Variants in ATL2 observed in about 807,000 individuals in gnomAD.
ATL2 encodes the protein atlastin GTPase 2.
Under a neutral mutation model 73.9 loss-of-function variants are expected in ATL2, and 31 were observed. That is an observed-to-expected ratio of 0.42 (90% CI 0.32 to 0.57). The LOEUF is 0.57. Ranked by LOEUF, ATL2 falls within the 20% of genes least tolerant of loss-of-function variation. ATL2 has a pLI of 0.14. For synonymous variants in ATL2, 291 were observed against 237.5 expected (o/e 1.23, Z -2.07); for missense variants, 738 against 702.6 (o/e 1.05, Z -0.57).
At chr2:38,362,042 G>A (rs1283715125) in intron 1 of ATL2, among the ~76,000 whole-genome samples, 1 of 152,116 alleles carries the variant, frequency 6.6e-6, no homozygotes, top group Non-Finnish European at 1.5e-5. Flanking sequence ...CCATAGAAAG[G>A]AGACTCAAAT....
At chr2:38,297,111 T>C (rs1010676726) in intron 12 of ATL2, among the ~76,000 whole-genome samples, 1 of 152,222 alleles carries the variant, frequency 6.6e-6, no homozygotes, top group Non-Finnish European at 1.5e-5. Context: ...CGGATCTGAA[T>C]AGAGCATTTC....
chr2:38,313,985 G>A (rs1667893069), intron 6 of ATL2, among the ~76,000 whole-genome samples: 1 of 152,122 alleles, frequency 6.6e-6, no homozygotes, highest in Non-Finnish European at 1.5e-5. Context: ...CTTAATAAAA[G>A]TGACCATACT....
intron 1 of ATL2, among the ~76,000 whole-genome samples, chr2:38,353,550 T>C (rs1670482647): frequency 6.6e-6 from 1 of 152,158 alleles, no homozygotes; most frequent in South Asian, 2.1e-4. Context: ...AGTCATAATG[T>C]TACCAAAATT....
chr2:38,311,629 C>T (rs10451644), intron 7 of ATL2, among the ~76,000 whole-genome samples: 13,078 of 152,112 alleles, frequency 0.086, 1,629 homozygotes, highest in African/African-American at 0.27. Flanking sequence ...ATTCCATCCA[C>T]ATAAAGTACA....
At chr2:38,340,770 C>G (rs1001289104) in intron 2 of ATL2, among the ~76,000 whole-genome samples, 5 of 152,240 alleles carry the variant, frequency 3.3e-5, no homozygotes, top group African/African-American at 1.2e-4. Flanking sequence ...GCACATTATC[C>G]AAAAATCAGA....
intron 1 of ATL2, among the ~76,000 whole-genome samples, chr2:38,347,275 C>G (rs1670079055): frequency 6.6e-6 from 1 of 152,192 alleles, no homozygotes; most frequent in Admixed American, 6.5e-5. Context: ...ACAACACACT[C>G]CTATTCATTC....
chr2:38,359,268 C>T (rs767501040), intron 1 of ATL2, among the ~76,000 whole-genome samples: 1 of 151,654 alleles, frequency 6.6e-6, no homozygotes. Flanking sequence ...TCAGGCGTTC[C>T]AGACCAGCCT....
In ATL2 at chr2:38,309,416, G is replaced by C. The variant is rs200636844; in HGVS notation, c.1034C>G (p.Ser345Cys). ...TACAAGATCTCTACAAGTGACTTTA[G>C]ATCCACTTATCTCTTTTTCTACCAA... The part of the protein sequence containing the change: ...ENLVEKEISG[S>C]KVTCRDLVEY... Residue 345 changes from serine (S) to cysteine (C), a missense_variant, in exon 9 of 13, where the codon TCT (serine) becomes TGT (cysteine). Ser to Cys is a moderately radical substitution (Grantham distance 112, BLOSUM62 -1). Coordinates refer to ENST00000378954, the MANE Select transcript of ATL2 (RefSeq NM_001135673.4). 1.2e-6 allele frequency: 2 copies of C among 1,611,774 alleles called. No individual in the cohort carries two copies. The highest frequency in any genetic ancestry group is 2.2e-5 in the East Asian group (1 of 44,796).
intron 1 of ATL2, among the ~76,000 whole-genome samples, chr2:38,351,021 A>G (rs922759503): frequency 1.3e-5 from 2 of 152,218 alleles, no homozygotes; most frequent in Non-Finnish European, 2.9e-5. Context: ...TAAACTTATA[A>G]AAAGAGAACA....
chr2:38,356,404 G>C (rs990085021), intron 1 of ATL2, among the ~76,000 whole-genome samples: 2 of 151,526 alleles, frequency 1.3e-5, no homozygotes, highest in African/African-American at 4.9e-5. Context: ...GCCCAGGCTG[G>C]TCTCGAACTC....
intron 2 of ATL2, among the ~76,000 whole-genome samples, chr2:38,319,368 G>C (rs1298332964): frequency 2.6e-5 from 4 of 152,190 alleles, no homozygotes; most frequent in African/African-American, 4.8e-5. Context: ...GGAGGCTGAA[G>C]TGGGCATATC....
At chr2:38,372,605 C>G (rs2124504655) in intron 1 of ATL2, among the ~76,000 whole-genome samples, 1 of 152,276 alleles carries the variant, frequency 6.6e-6, no homozygotes, top group Non-Finnish European at 1.5e-5. Flanking sequence ...AGAAGAACTA[C>G]TTTGCCACAG....
chr2:38,363,250 G>A (rs1671112352), intron 1 of ATL2, among the ~76,000 whole-genome samples: 1 of 151,776 alleles, frequency 6.6e-6, no homozygotes, highest in African/African-American at 2.4e-5. Flanking sequence ...CAAACTGTTA[G>A]CATCTTTATT....
chr2:38,355,179 T>G (rs1473326303), intron 1 of ATL2, among the ~76,000 whole-genome samples: 1 of 152,094 alleles, frequency 6.6e-6, no homozygotes, highest in Non-Finnish European at 1.5e-5. Flanking sequence ...CAGGCTGGAG[T>G]GCAATGGCAC....
chr2:38,311,125 A>AC (rs199769327), intron 7 of ATL2, among the ~76,000 whole-genome samples: 2,889 of 152,122 alleles, frequency 0.019, 90 homozygotes, highest in African/African-American at 0.067. Context: ...ACAAAACAAA[A>AC]AAAAAAGTAT....
chr2:38,320,278 T>G (rs1668248378), intron 2 of ATL2, among the ~76,000 whole-genome samples: 1 of 152,096 alleles, frequency 6.6e-6, no homozygotes, highest in Non-Finnish European at 1.5e-5. Flanking sequence ...GATTGTTTGG[T>G]GTGCTAATGA....
At chr2:38,369,607 C>A (rs1671548643) in intron 1 of ATL2, among the ~76,000 whole-genome samples, 1 of 151,036 alleles carries the variant, frequency 6.6e-6, no homozygotes, top group East Asian at 2.0e-4. Context: ...TTTAATTAGC[C>A]AGGCATGGTG....
At chr2:38,330,995 G>A (rs192234314) in intron 2 of ATL2, among the ~76,000 whole-genome samples, 26 of 152,312 alleles carry the variant, frequency 1.7e-4, no homozygotes, top group Admixed American at 3.3e-4. Flanking sequence ...TGAAGACAGC[G>A]TGATACTGGT....
At chr2:38,343,170 A>C (rs1047858154) in intron 2 of ATL2, 98 bp downstream of exon 2, 8 of 811,298 alleles carry the variant, frequency 9.9e-6, no homozygotes, top group Non-Finnish European at 1.4e-5. Flanking sequence ...AAAAAAAAAA[A>C]AAAAAAAAGA....
Sources: allele counts gnomAD v4.1 joint callset (sites outside exome capture counted in the v4.1 genomes callset), GRCh38; gene constraint gnomAD v4.1.1; transcripts MANE v1.5; gene names NCBI Gene and HGNC (gene_info 2026-07-23, HGNC 2026-07-21).